The following PSMA1 variants were observed in gnomAD, a reference collection of about 807,000 sequenced individuals.
PSMA1 encodes proteasome subunit alpha type-1.
PSMA1 carries 3 observed loss-of-function variants against 38.4 expected under a neutral mutation model. The ratio of observed to expected loss-of-function variants is 0.08; its 90% confidence interval spans 0.04 to 0.20. PSMA1 has a LOEUF of 0.20. PSMA1 is among the 10% of genes least tolerant of loss of function. The probability of loss-of-function intolerance (pLI) is 1.00; values close to 1 mark genes in which losing one functional copy is unlikely to be tolerated. For missense variants in PSMA1, 227 were observed against 325.3 expected (o/e 0.70, Z 2.32); for synonymous variants, 101 against 107.1 (o/e 0.94, Z 0.35).
At chr11:14,539,802 T>C (rs558548124) in intron 2 of PSMA1, among the ~76,000 whole-genome samples, 1 of 151,848 alleles carries the variant, frequency 6.6e-6, no homozygotes, top group South Asian at 2.1e-4. Flanking sequence ...TGAGCCGAGA[T>C]TGCGCCACTG....
chr11:14,535,363 C>A (rs1851692441), intron 2 of PSMA1, among the ~76,000 whole-genome samples: 1 of 151,396 alleles, frequency 6.6e-6, no homozygotes, highest in Non-Finnish European at 1.5e-5. Flanking sequence ...AGAAATTAAG[C>A]AATTATTACA....
chr11:14,584,163 T>C (rs1852312600), intron 2 of PSMA1, among the ~76,000 whole-genome samples: 1 of 152,228 alleles, frequency 6.6e-6, no homozygotes, highest in South Asian at 2.1e-4. Context: ...AAAATCACTG[T>C]CATACCAGCT....
At chr11:14,507,280 T>C (rs1413909184) in intron 9 of PSMA1, among the ~76,000 whole-genome samples, 1 of 152,036 alleles carries the variant, frequency 6.6e-6, no homozygotes, top group Non-Finnish European at 1.5e-5. Context: ...GCGATTCTCC[T>C]GCCTCACCTC....
chr11:14,524,492 T>C (rs1368679665), upstream of PSMA1, among the ~76,000 whole-genome samples: 2 of 152,206 alleles, frequency 1.3e-5, no homozygotes, highest in African/African-American at 2.4e-5. Context: ...GAATGTACTT[T>C]GTGAGATCCA....
At chr11:14,640,220 C>T (rs1853181842) in intron 1 of PSMA1, among the ~76,000 whole-genome samples, 3 of 151,938 alleles carry the variant, frequency 2.0e-5, no homozygotes, top group African/African-American at 7.3e-5. Flanking sequence ...AGAAGACAGC[C>T]ATCTGGACAG....
chr11:14,640,366 C>T (rs954759172), intron 1 of PSMA1, among the ~76,000 whole-genome samples: 1 of 152,176 alleles, frequency 6.6e-6, no homozygotes, highest in East Asian at 1.9e-4. Context: ...TTTAATAGTC[C>T]TAACACATTG....
rs1307467251 is a variant in PSMA1 at position 14,509,515 on chromosome 11, G to A, written c.624+1357C>T. Among the ~76,000 whole-genome samples, 5 of 150,378 alleles carry A rather than the reference G, an allele frequency of 3.3e-5. No homozygotes were observed. In the South Asian group the frequency reaches 6.3e-4, roughly 19 times the overall value. On this transcript the variant is annotated intron_variant, in intron 8 of 9. Coordinates refer to ENST00000396394, the MANE Select transcript of PSMA1 (RefSeq NM_002786.4). ...ATCTGTTTTTTTTTTTTTTGAGATGGAGTTTTGCTTTGTCACCCAGGCTGG... is the reference window on the plus strand; with the variant it reads ...ATCTGTTTTTTTTTTTTTTGAGATGAAGTTTTGCTTTGTCACCCAGGCTGG...
intron 1 of PSMA1, among the ~76,000 whole-genome samples, chr11:14,632,857 G>T (rs1853045167): frequency 2.0e-5 from 3 of 151,862 alleles, no homozygotes; most frequent in African/African-American, 7.3e-5. Context: ...TTTTTCTCTA[G>T]ACTTCCCTTC....
At chr11:14,557,323 C>T (rs1016635056) in intron 2 of PSMA1, among the ~76,000 whole-genome samples, 44 of 150,330 alleles carry the variant, frequency 2.9e-4, no homozygotes, top group African/African-American at 9.8e-4. Flanking sequence ...CTGCAACCTC[C>T]GCCTCCCAGG....
At chr11:14,551,081 T>C (rs767814148) in intron 2 of PSMA1, among the ~76,000 whole-genome samples, 1 of 152,178 alleles carries the variant, frequency 6.6e-6, no homozygotes, top group Non-Finnish European at 1.5e-5. Flanking sequence ...TGTTGTGTCA[T>C]TTGCATCTAG....
chr11:14,523,615 G>C (rs1321955728), upstream of PSMA1, among the ~76,000 whole-genome samples: 1 of 149,072 alleles, frequency 6.7e-6, no homozygotes, highest in African/African-American at 2.5e-5. Flanking sequence ...TTTTAAGACA[G>C]GGTATTTCTC....
chr11:14,509,681 G>A lies in PSMA1; in HGVS notation c.624+1191C>T, dbSNP rs183643225. Among the ~76,000 whole-genome samples the A allele has an allele frequency of 7.5e-3, 1,120 of 149,362 alleles. 7 individuals are homozygous for A. Among genetic ancestry groups the A allele is most frequent in the Non-Finnish European group, 0.013 (869 of 67,622 alleles). ...CTCCCAAAGTGTTGGGATTACAGGC[G>A]TGAGCCACTGCGGCTGGCCCACAAA... On this transcript the variant is annotated intron_variant, in intron 8 of 9. Transcript: ENST00000396394.
intron 2 of PSMA1, among the ~76,000 whole-genome samples, chr11:14,576,539 C>T (rs1202361048): frequency 1.3e-5 from 2 of 152,162 alleles, no homozygotes; most frequent in Non-Finnish European, 2.9e-5. Flanking sequence ...AATAGGGAAT[C>T]CTTTCCCCAT....
chr11:14,540,350 T>A (rs1024726337), intron 2 of PSMA1, among the ~76,000 whole-genome samples: 10 of 152,138 alleles, frequency 6.6e-5, no homozygotes, highest in Non-Finnish European at 1.5e-4. Flanking sequence ...TTTTTCCCTC[T>A]GAAAAACACA....
chr11:14,643,051 G>A (rs911394695), intron 1 of PSMA1, among the ~76,000 whole-genome samples: 19 of 151,902 alleles, frequency 1.3e-4, no homozygotes, highest in Admixed American at 5.2e-4. Flanking sequence ...AAAATGGAAG[G>A]CGAGACGTTA....
intron 1 of PSMA1, among the ~76,000 whole-genome samples, chr11:14,611,942 C>T (rs1168336700): frequency 6.6e-6 from 1 of 152,132 alleles, no homozygotes; most frequent in African/African-American, 2.4e-5. Flanking sequence ...TTTATTTGTG[C>T]TGAGTTTGGA....
At chr11:14,610,855 G>A (rs1329964594) in intron 2 of PSMA1, 1 of 1,083,690 alleles carries the variant, frequency 9.2e-7, no homozygotes, top group Non-Finnish European at 1.4e-6. Context: ...TTCTAGCCTA[G>A]AGATGCGTTT....
At chr11:14,581,969 G>C (rs1852286413) in intron 2 of PSMA1, among the ~76,000 whole-genome samples, 1 of 152,126 alleles carries the variant, frequency 6.6e-6, no homozygotes, top group Admixed American at 6.5e-5. Flanking sequence ...ATTCTTATTA[G>C]CCCAAATTGG....
intron 2 of PSMA1, among the ~76,000 whole-genome samples, chr11:14,564,103 G>A (rs138357975): frequency 2.6e-4 from 39 of 152,158 alleles, no homozygotes; most frequent in Non-Finnish European, 2.9e-5. Context: ...TTATAATACA[G>A]AACCACAACC....
Sources: allele counts gnomAD v4.1 joint callset (sites outside exome capture counted in the v4.1 genomes callset), GRCh38; gene constraint gnomAD v4.1.1; transcripts MANE v1.5; gene names NCBI Gene and HGNC (gene_info 2026-07-23, HGNC 2026-07-21).